SAMD3: variants seen among roughly 807,000 people sequenced by gnomAD.
The protein encoded by SAMD3 is sterile alpha motif domain-containing protein 3.
SAMD3 carries 63 observed loss-of-function variants against 58.5 expected under a neutral mutation model. The ratio of observed to expected loss-of-function variants is 1.08; its 90% CI spans 0.88 to 1.33. The LOEUF is 1.33. SAMD3 is among the 40% of genes most tolerant of loss of function. The pLI, the probability that SAMD3 is intolerant of heterozygous loss-of-function variation, is 0.00. For missense variants in SAMD3, 604 were observed against 608.4 expected, an observed-to-expected ratio of 0.99 and a Z score of 0.08; for synonymous variants, 220 against 210.3, an observed-to-expected ratio of 1.05 and a Z score of -0.40.
At chr6:130,293,097 T>C (rs1037814202) in intron 2 of SAMD3, among the ~76,000 whole-genome samples, 3 of 152,226 alleles carry the variant, frequency 2.0e-5, no homozygotes, top group African/African-American at 7.2e-5. Context: ...TTTAAAATTA[T>C]GTTTCAAGAG....
intron 8 of SAMD3, among the ~76,000 whole-genome samples, chr6:130,166,918 T>G (rs34284210): frequency 0.038 from 5,725 of 152,190 alleles, 156 homozygotes; most frequent in Non-Finnish European, 0.06. Context: ...GGTGTGGGAG[T>G]GAGACTAGCA....
chr6:130,179,810 C>CTTTTTTT lies in SAMD3; in HGVS notation c.655-3809_655-3803dup, dbSNP rs71028199. Reference sequence around the variant, plus strand: ...GGTTATATAAGAGATTGTCCTTATTCTTTTTTTTTTTTTTTTTTTGGAGAT... The same window carrying CTTTTTTT: ...GGTTATATAAGAGATTGTCCTTATTCTTTTTTTTTTTTTTTTTTTTTTTTTTGGAGAT... On this transcript the variant is annotated intron_variant, in intron 7 of 11. Transcript: ENST00000439090. Among the ~76,000 whole-genome samples, 22 of 116,210 alleles carry CTTTTTTT rather than the reference C, an allele frequency of 1.9e-4. 2 individuals carry two copies. Among genetic ancestry groups the CTTTTTTT allele is most frequent in the South Asian group, 2.8e-4 (1 of 3,526 alleles). 76.2% of individuals were successfully genotyped at this position (116,210 alleles called of 152,430 possible).
rs188026681 is a variant in SAMD3 at position 130,151,160 on chromosome 6, T to A, written c.1023+3665A>T. The stretch of plus-strand genomic sequence containing the variant: ...TTCATCATTCCTCAACTTTAATCTC[T>A]TCCTGTGCAGCTCCATGAGACCTCC... On this transcript the variant is annotated intron_variant, in intron 9 of 11. Transcript: ENST00000439090. 1.8e-4 allele frequency among the ~76,000 whole-genome samples: 27 copies of A among 152,260 alleles called. 1 individual carries two copies. Among genetic ancestry groups the A allele is most frequent in the African/African-American group, 6.5e-4 (27 of 41,560 alleles).
At chr6:130,332,254 C>A (rs1470306307) in intron 1 of SAMD3, among the ~76,000 whole-genome samples, 1 of 152,008 alleles carries the variant, frequency 6.6e-6, no homozygotes, top group Non-Finnish European at 1.5e-5. Context: ...GAAGGTGGTG[C>A]TACTTATGGA....
At chr6:130,155,804 C>A (rs546914530) in intron 8 of SAMD3, among the ~76,000 whole-genome samples, 5 of 152,140 alleles carry the variant, frequency 3.3e-5, no homozygotes, top group African/African-American at 7.2e-5. Context: ...ATAGGAAAGC[C>A]TCAGTAGATC....
chr6:130,188,856 T>C (rs1793249618), intron 5 of SAMD3, among the ~76,000 whole-genome samples: 1 of 152,226 alleles, frequency 6.6e-6, no homozygotes, highest in Non-Finnish European at 1.5e-5. Context: ...ATACCTCCTT[T>C]ACTTTCTGTG....
intron 2 of SAMD3, among the ~76,000 whole-genome samples, chr6:130,276,385 A>G (rs531957089): frequency 6.6e-6 from 1 of 152,222 alleles, no homozygotes; most frequent in Non-Finnish European, 1.5e-5. Context: ...TAGTACAAGT[A>G]TAAAGCTTTA....
chr6:130,224,032 C>T (rs1435481873), upstream of SAMD3, among the ~76,000 whole-genome samples: 1 of 152,104 alleles, frequency 6.6e-6, no homozygotes, highest in Non-Finnish European at 1.5e-5. Flanking sequence ...AAGTAGCTCT[C>T]AGCAGATGGA....
chr6:130,323,900 T>TTCA (rs1366095224), intron 1 of SAMD3, among the ~76,000 whole-genome samples: 4 of 151,982 alleles, frequency 2.6e-5, no homozygotes, highest in Non-Finnish European at 5.9e-5. Context: ...ATTAGTGTCT[T>TTCA]TTAAGTGCTG....
At chr6:130,219,377 T>C (rs1796129949) in intron 1 of SAMD3, among the ~76,000 whole-genome samples, 1 of 152,186 alleles carries the variant, frequency 6.6e-6, no homozygotes, top group Non-Finnish European at 1.5e-5. Context: ...ACAAGTGGTG[T>C]TTGGTTACCT....
intron 1 of SAMD3, among the ~76,000 whole-genome samples, chr6:130,324,306 T>G (rs1367511063): frequency 2.0e-5 from 3 of 152,334 alleles, no homozygotes; most frequent in Non-Finnish European, 4.4e-5. Context: ...TTTAGTGCTT[T>G]TTTCTCCTTT....
chr6:130,238,009 A>G (rs1328108789), intron 2 of SAMD3, among the ~76,000 whole-genome samples: 1 of 152,210 alleles, frequency 6.6e-6, no homozygotes, highest in Non-Finnish European at 1.5e-5. Flanking sequence ...ATGAAAATTA[A>G]TTAGAATTAA....
intron 2 of SAMD3, among the ~76,000 whole-genome samples, chr6:130,271,182 T>C (rs748491241): frequency 1.3e-5 from 2 of 152,036 alleles, no homozygotes; most frequent in Non-Finnish European, 2.9e-5. Context: ...GGATTTTTTG[T>C]AGAGACAGGG....
intron 2 of SAMD3, among the ~76,000 whole-genome samples, chr6:130,268,168 G>T (rs1774430009): frequency 6.6e-6 from 1 of 152,102 alleles, no homozygotes; most frequent in Admixed American, 6.5e-5. Flanking sequence ...TGCTGTGTGT[G>T]TTTGTGTCTT....
At chr6:130,193,204 C>T (rs1205900973) in intron 5 of SAMD3, among the ~76,000 whole-genome samples, 1 of 151,988 alleles carries the variant, frequency 6.6e-6, no homozygotes, top group Non-Finnish European at 1.5e-5. Flanking sequence ...AGTACCCCAA[C>T]CCCTTCTCTC....
chr6:130,347,373 A>C (rs1777488705), intron 1 of SAMD3, among the ~76,000 whole-genome samples: 1 of 152,242 alleles, frequency 6.6e-6, no homozygotes, highest in South Asian at 2.1e-4. Flanking sequence ...AATGCAGAGA[A>C]GTCCTTAAAG....
chr6:130,225,398 A>G (rs1207585202), upstream of SAMD3, among the ~76,000 whole-genome samples: 1 of 152,252 alleles, frequency 6.6e-6, no homozygotes, highest in Non-Finnish European at 1.5e-5. Flanking sequence ...GGGAGCAATT[A>G]CAATGAATGA....
chr6:130,157,674 A>G (rs1789914953), intron 8 of SAMD3, among the ~76,000 whole-genome samples: 1 of 152,218 alleles, frequency 6.6e-6, no homozygotes, highest in African/African-American at 2.4e-5. Flanking sequence ...CTTTAAAATC[A>G]GAAGCAACAC....
At chr6:130,215,505 C>T in intron 2 of SAMD3, 2 of 1,332,350 alleles carry the variant, frequency 1.5e-6, no homozygotes, top group South Asian at 4.6e-5. Flanking sequence ...AACCTATTTC[C>T]TAGCATCCCA....
Sources: allele counts gnomAD v4.1 joint callset (sites outside exome capture counted in the v4.1 genomes callset), GRCh38; gene constraint gnomAD v4.1.1; transcripts MANE v1.5; gene names NCBI Gene and HGNC (gene_info 2026-07-23, HGNC 2026-07-21).